Variants in DCC observed in about 807,000 individuals in gnomAD.
DCC encodes DCC netrin 1 receptor.
In DCC, 58 loss-of-function variants were observed where a neutral mutation model predicts 172.5. The ratio of observed to expected loss-of-function variants is 0.34; its 90% confidence interval spans 0.27 to 0.42. DCC has a LOEUF of 0.42. Among genes scored for constraint, DCC ranks in the 10% least tolerant of loss-of-function variants. The pLI is 1.00. For missense variants in DCC, 1,740 were observed against 1,791.0 expected (o/e 0.97, Z 0.51); for synonymous variants, 709 against 644.5 (o/e 1.10, Z -1.52).
intron 15 of DCC, among the ~76,000 whole-genome samples, chr18:53,344,440 C>CTTTTTTTTTTTTTTTTTTTTTTT (rs71175582): frequency 3.1e-5 from 3 of 97,064 alleles, no homozygotes; most frequent in East Asian, 3.2e-4. Flanking sequence ...TTTCGTTTTT[C>CTTTTTTTTTTTTTTTTTTTTTTT]TTTTTTTTTT....
intron 7 of DCC, among the ~76,000 whole-genome samples, chr18:53,129,914 C>A (rs1362174571): frequency 2.6e-5 from 4 of 152,036 alleles, no homozygotes; most frequent in African/African-American, 9.7e-5. Flanking sequence ...AACATCTAAA[C>A]CCTAGAGTAG....
intron 27 of DCC, among the ~76,000 whole-genome samples, chr18:53,505,953 T>TTAAAAATC (rs1429776795): frequency 6.6e-6 from 1 of 152,258 alleles, no homozygotes; most frequent in Non-Finnish European, 1.5e-5. Flanking sequence ...AAGCATCTTT[T>TTAAAAATC]TAAAAATCAA....
At chr18:52,692,093 T>C (rs1244785088) in intron 1 of DCC, among the ~76,000 whole-genome samples, 3 of 152,100 alleles carry the variant, frequency 2.0e-5, no homozygotes, top group African/African-American at 4.8e-5. Flanking sequence ...CTTGTGGGGA[T>C]TGATAATAGT....
At chr18:52,517,035 A>C (rs1302850) in intron 1 of DCC, among the ~76,000 whole-genome samples, 46,537 of 152,030 alleles carry the variant, frequency 0.31, 7,261 homozygotes, top group Middle Eastern at 0.33. Context: ...TGAAAACAGT[A>C]AACAAACCAG....
chr18:52,723,462 G>C (rs79979482), intron 1 of DCC, among the ~76,000 whole-genome samples: 3,216 of 152,234 alleles, frequency 0.021, 101 homozygotes, highest in African/African-American at 0.073. Flanking sequence ...CCAACAGTAG[G>C]CTAGAATGTA....
chr18:52,513,087 G>A (rs1036751182), intron 1 of DCC, among the ~76,000 whole-genome samples: 4 of 152,054 alleles, frequency 2.6e-5, no homozygotes, highest in Non-Finnish European at 4.4e-5. Context: ...AAAAACTATA[G>A]GTGGAACAAG....
intron 5 of DCC, among the ~76,000 whole-genome samples, chr18:52,936,686 G>A (rs1432384260): frequency 1.3e-5 from 2 of 148,562 alleles, no homozygotes; most frequent in African/African-American, 4.9e-5. Context: ...TCACAAGGAG[G>A]AGAACTGCTG....
chr18:53,220,142 A>G (rs1007226543), intron 12 of DCC, among the ~76,000 whole-genome samples: 1 of 152,122 alleles, frequency 6.6e-6, no homozygotes, highest in African/African-American at 2.4e-5. Context: ...CAAGGAAAAA[A>G]TGTGAGTTAT....
intron 12 of DCC, among the ~76,000 whole-genome samples, chr18:53,294,420 T>G (rs988561881): frequency 1.3e-5 from 2 of 152,060 alleles, no homozygotes; most frequent in Admixed American, 1.3e-4. Flanking sequence ...TTATGCCTGA[T>G]AGGGGAGTCA....
intron 4 of DCC, 86 bp downstream of exon 4, chr18:52,923,943 C>A (rs1163767774): frequency 5.3e-6 from 5 of 950,576 alleles, no homozygotes; most frequent in Middle Eastern, 4.3e-4. Context: ...GATATAAGTA[C>A]CTACAGTACT....
intron 7 of DCC, among the ~76,000 whole-genome samples, chr18:53,129,240 T>C (rs1197023222): frequency 6.6e-6 from 1 of 152,042 alleles, no homozygotes; most frequent in Middle Eastern, 3.2e-3. Context: ...ATGTTATCTA[T>C]TGATTTCTAT....
intron 2 of DCC, among the ~76,000 whole-genome samples, chr18:52,860,992 C>T (rs1277840618): frequency 3.1e-5 from 4 of 129,844 alleles, no homozygotes; most frequent in South Asian, 4.7e-4. Flanking sequence ...GATGACAAAG[C>T]GAGAATCTGA....
intron 10 of DCC, among the ~76,000 whole-genome samples, chr18:53,207,429 A>C (rs1161338809): frequency 6.6e-6 from 1 of 152,192 alleles, no homozygotes; most frequent in African/African-American, 2.4e-5. Context: ...CATTCAGTAC[A>C]TTGAGTAGTG....
chr18:52,654,810 C>G (rs1324635728), intron 1 of DCC, among the ~76,000 whole-genome samples: 1 of 152,032 alleles, frequency 6.6e-6, no homozygotes, highest in Non-Finnish European at 1.5e-5. Flanking sequence ...TGCAGGAGAC[C>G]CCAAGCTTGA....
At chr18:52,363,392 A>G (rs913717577) in intron 1 of DCC, among the ~76,000 whole-genome samples, 1 of 152,154 alleles carries the variant, frequency 6.6e-6, no homozygotes, top group Non-Finnish European at 1.5e-5. Flanking sequence ...AGAATCCCTC[A>G]TTTCTCCTTT....
intron 27 of DCC, among the ~76,000 whole-genome samples, chr18:53,507,942 G>GGAGT (rs1443609121): frequency 6.9e-6 from 1 of 145,182 alleles, no homozygotes; most frequent in Non-Finnish European, 1.5e-5. Flanking sequence ...CACCCAGGCT[G>GGAGT]GAGTGCAGTG....
At chr18:53,446,405 T>C (rs1440433314) in intron 22 of DCC, among the ~76,000 whole-genome samples, 1 of 152,162 alleles carries the variant, frequency 6.6e-6, no homozygotes, top group Admixed American at 6.5e-5. Flanking sequence ...CAGTGCCCTA[T>C]AGGATATTTG....
rs187931262 is a variant in DCC at position 52,856,352 on chromosome 18, G to A, written c.413-49692G>A. Among the ~76,000 whole-genome samples, 268 of 151,830 alleles carry A rather than the reference G, an allele frequency of 1.8e-3. 2 individuals are homozygous for A. The highest frequency in any genetic ancestry group is 0.017 in the Middle Eastern group (5 of 294). Reference sequence around the variant, plus strand: ...GCTAATTAAGAGAGCAAGGCCGGGCGCGGTGGCTCACGCCTGTAATCTCAG... The same window carrying A: ...GCTAATTAAGAGAGCAAGGCCGGGCACGGTGGCTCACGCCTGTAATCTCAG... On this transcript the variant is annotated intron_variant, in intron 2 of 28. Transcript: ENST00000442544.
At chr18:52,462,121 G>C (rs1258748263) in intron 1 of DCC, among the ~76,000 whole-genome samples, 2 of 152,048 alleles carry the variant, frequency 1.3e-5, no homozygotes, top group Non-Finnish European at 2.9e-5. Context: ...GTCAGGATTT[G>C]TCCCACCAAG....
Sources: allele counts gnomAD v4.1 joint callset (sites outside exome capture counted in the v4.1 genomes callset), GRCh38; gene constraint gnomAD v4.1.1; transcripts MANE v1.5; gene names NCBI Gene and HGNC (gene_info 2026-07-23, HGNC 2026-07-21).